The following MRPL39 variants were observed in gnomAD, a reference collection of about 807,000 sequenced individuals.
The protein encoded by MRPL39 is large ribosomal subunit protein mL39.
Under a neutral mutation model 44.5 loss-of-function variants are expected in MRPL39, and 35 were observed. The ratio of observed to expected loss-of-function variants is 0.79; its 90% confidence interval spans 0.60 to 1.04. The LOEUF (loss-of-function observed/expected upper bound fraction) is 1.04. Ranked by LOEUF, MRPL39 falls within the 50% of genes least tolerant of loss-of-function variation. The probability of loss-of-function intolerance (pLI) is 0.00; values close to 1 mark genes in which losing one functional copy is unlikely to be tolerated. For synonymous variants in MRPL39, 139 were observed against 136.1 expected (o/e 1.02, Z -0.15); for missense variants, 433 against 413.5 (o/e 1.05, Z -0.41).
At chr21:25,607,584 A>G, upstream of MRPL39, 1 of 1,111,678 alleles carries the variant, frequency 9.0e-7, no homozygotes, top group Non-Finnish European at 1.3e-6. Flanking sequence ...CCCAGCACTC[A>G]GACTGCTCGC....
intron 2 of MRPL39, among the ~76,000 whole-genome samples, chr21:25,604,711 A>G (rs561150015): frequency 6.6e-6 from 1 of 152,358 alleles, no homozygotes; most frequent in South Asian, 2.1e-4. Flanking sequence ...GCTACTCACA[A>G]AAGTAGTCAA....
chr21:25,597,511 C>A, intron 5 of MRPL39, 97 bp from the exon 6 acceptor site: 1 of 597,444 alleles, frequency 1.7e-6, no homozygotes, highest in Non-Finnish European at 2.8e-6. Context: ...TACTGCAAAT[C>A]CAACTAAAAT....
chr21:25,607,495 G>T, upstream of MRPL39: 1 of 1,608,466 alleles, frequency 6.2e-7, no homozygotes. Flanking sequence ...GAGAACCGTC[G>T]CGCGCAAGTC....
chr21:25,599,653 G>A (rs1240683478), intron 5 of MRPL39, 146 bp downstream of exon 5: 1 of 655,744 alleles, frequency 1.5e-6, no homozygotes, highest in Non-Finnish European at 2.5e-6. Flanking sequence ...TAGACAGACA[G>A]ACAGATACAT....
intron 3 of MRPL39, among the ~76,000 whole-genome samples, chr21:25,602,562 A>C (rs1278163106): frequency 3.3e-5 from 5 of 152,232 alleles, no homozygotes; most frequent in Admixed American, 6.5e-5. Flanking sequence ...TACTGTATGT[A>C]TATCAAGAAC....
Position 25,601,413 on chromosome 21 carries a change from T to C in MRPL39, c.475A>G (p.Lys159Glu), listed in dbSNP as rs1386431268. The change falls in exon 4 of 10, where the codon AAA (lysine) becomes GAA (glutamate). Residue 159 changes from lysine to glutamate, a missense_variant. Coordinates refer to ENST00000352957, the MANE Select transcript of MRPL39 (RefSeq NM_017446.4). Reference sequence around the variant, plus strand: ...ACCAAATTGACCATATATTCATCTTTGAATGCCCTCTCTATCACACAGCCC... The same window carrying C: ...ACCAAATTGACCATATATTCATCTTCGAATGCCCTCTCTATCACACAGCCC... ...MMGCVIERAFKDEYMVNLVRA... is the reference protein window; with the variant it reads ...MMGCVIERAFEDEYMVNLVRA... 1 of 1,611,076 alleles carries C rather than the reference T, an allele frequency of 6.2e-7. No individual in the cohort carries two copies. The highest frequency in any genetic ancestry group is 8.5e-7 in the Non-Finnish European group (1 of 1,178,328).
chr21:25,595,449 C>G (rs2031326526), intron 6 of MRPL39, among the ~76,000 whole-genome samples: 1 of 152,186 alleles, frequency 6.6e-6, no homozygotes, highest in African/African-American at 2.4e-5. Context: ...TCCCCTTCCT[C>G]CTACCACACA....
At chr21:25,591,079 C>A (rs1441304339) in intron 8 of MRPL39, among the ~76,000 whole-genome samples, 6 of 129,136 alleles carry the variant, frequency 4.6e-5, no homozygotes, top group African/African-American at 8.9e-5. Flanking sequence ...CTATAGCCCA[C>A]AAAAAAAAAA....
At chr21:25,605,229 T>C (rs1336844979) in intron 2 of MRPL39, among the ~76,000 whole-genome samples, 1 of 152,234 alleles carries the variant, frequency 6.6e-6, no homozygotes, top group East Asian at 1.9e-4. Flanking sequence ...TTGGGGCTTC[T>C]TTAATTTAAA....
chr21:25,607,295 C>T lies in MRPL39; in HGVS notation c.73+108G>A, dbSNP rs1339097001. On this transcript the variant is annotated intron_variant, in intron 1 of 9. Transcript: ENST00000352957. ...CGCCGCGGAGGGACTAAGAAACCCT[C>T]CTCCTTCCTCTGCCCCGCGGGACCT... 2.4e-6 allele frequency: 3 copies of T among 1,225,146 alleles called. No individual in the cohort carries two copies. The East Asian group carries it at 7.2e-5, about 29-fold the overall frequency. The allele number at this position is 1,225,146 out of a possible 1,614,324, so 75.9% of individuals were successfully genotyped here. A position where few individuals can be genotyped will look rare whatever the true frequency, so the allele number is the denominator to read the frequency against.
At chr21:25,599,912 C>T (rs763040683) in intron 4 of MRPL39, 46 bp from the exon 5 acceptor site, 7 of 1,424,184 alleles carry the variant, frequency 4.9e-6, no homozygotes, top group Admixed American at 3.4e-5. Context: ...TCTGCCCCAA[C>T]AGAAAGTTAC....
intron 7 of MRPL39, among the ~76,000 whole-genome samples, chr21:25,593,516 T>C (rs2031247856): frequency 6.6e-6 from 1 of 152,248 alleles, no homozygotes; most frequent in Admixed American, 6.5e-5. Flanking sequence ...ACATTCTGGC[T>C]TAACTTACAT....
chr21:25,604,356 A>G (rs2031606368), intron 2 of MRPL39, among the ~76,000 whole-genome samples: 1 of 152,230 alleles, frequency 6.6e-6, no homozygotes, highest in African/African-American at 2.4e-5. Flanking sequence ...TGTTCAGGCT[A>G]CATCTAGTTT....
At chr21:25,585,983 T>C (rs2030986283) in intron 9 of MRPL39, among the ~76,000 whole-genome samples, 1 of 152,192 alleles carries the variant, frequency 6.6e-6, no homozygotes, top group African/African-American at 2.4e-5. Context: ...AGGCATATTA[T>C]ACCTAGGCTT....
intron 6 of MRPL39, among the ~76,000 whole-genome samples, chr21:25,596,130 G>A (rs991050431): frequency 2.0e-5 from 3 of 150,568 alleles, no homozygotes; most frequent in Admixed American, 6.6e-5. Flanking sequence ...ACGGAGTCTC[G>A]CTCTTTCGCC....
intron 7 of MRPL39, 69 bp downstream of exon 7, chr21:25,593,824 C>A: frequency 7.4e-7 from 1 of 1,349,122 alleles, no homozygotes; most frequent in Non-Finnish European, 1.0e-6. Flanking sequence ...TGGTCATATG[C>A]TTCATTCAGA....
chr21:25,597,254 T>A (rs754107719), intron 6 of MRPL39, 48 bp downstream of exon 6: 2 of 1,215,328 alleles, frequency 1.6e-6, no homozygotes, highest in Non-Finnish European at 2.4e-6. Flanking sequence ...CTTTATTACA[T>A]ATAATACTGG....
intron 8 of MRPL39, among the ~76,000 whole-genome samples, chr21:25,591,654 CA>C (rs35745090): frequency 3.3e-5 from 5 of 149,360 alleles, no homozygotes; most frequent in Non-Finnish European, 4.5e-5. Context: ...ATGACTAAAA[CA>C]AAAAAAAAAG....
chr21:25,593,161 T>A (rs2031236799), intron 7 of MRPL39, among the ~76,000 whole-genome samples, 196 bp from the exon 8 acceptor site: 1 of 152,184 alleles, frequency 6.6e-6, no homozygotes, highest in South Asian at 2.1e-4. Context: ...TTAAATCAAA[T>A]GAACCATTTT....
Sources: gnomAD v4.1 joint callset for allele counts (sites outside exome capture counted in the v4.1 genomes callset) on GRCh38, gnomAD v4.1.1 for gene constraint, MANE v1.5 for transcripts, NCBI Gene and HGNC (gene_info 2026-07-23, HGNC 2026-07-21) for gene names.